CCDC88C: variants seen among roughly 807,000 people sequenced by gnomAD.
The protein encoded by CCDC88C is protein Daple.
Under a neutral mutation model 198.8 loss-of-function variants are expected in CCDC88C, and 131 were observed. The ratio of observed to expected loss-of-function variants is 0.66; its 90% confidence interval spans 0.57 to 0.76. The LOEUF is 0.76. Ranked by LOEUF, CCDC88C falls within the 30% of genes least tolerant of loss-of-function variation. The probability of loss-of-function intolerance (pLI) is 0.00; values close to 1 mark genes in which losing one functional copy is unlikely to be tolerated. For synonymous variants in CCDC88C, 1,166 were observed against 1,114.7 expected (o/e 1.05, Z -0.92); for missense variants, 2,553 against 2,631.6 (o/e 0.97, Z 0.65).
At position 91,272,869 on chromosome 14, in the gene CCDC88C, CCT is replaced by C. The variant is rs387907321; in HGVS notation, c.5841_5842del (p.Glu1949GlyfsTer26). Reference sequence around the variant, plus strand: ...GACAGGGGTGATGGTGGCCACCTCCCCTGAGCGTGGGGGCGCCTTGGGCTTGG... The same window carrying C: ...GACAGGGGTGATGGTGGCCACCTCCCGAGCGTGGGGGCGCCTTGGGCTTGG... On this transcript the variant is annotated frameshift_variant, in exon 30 of 30. Coordinates refer to ENST00000389857, the MANE Select transcript of CCDC88C (RefSeq NM_001080414.4). LOFTEE classifies it low-confidence loss of function (END_TRUNC). 6.3e-7 allele frequency: 1 copy of C among 1,591,862 alleles called. No homozygotes were observed. The highest frequency in any genetic ancestry group is 1.7e-4 in the Middle Eastern group (1 of 6,032).
At chr14:91,398,861 C>T (rs746344089) in intron 3 of CCDC88C, among the ~76,000 whole-genome samples, 1 of 152,110 alleles carries the variant, frequency 6.6e-6, no homozygotes, top group Non-Finnish European at 1.5e-5. Flanking sequence ...TGGGGGCGCA[C>T]AGGTCTGCTG....
At chr14:91,282,967 C>A (rs1227968216) in intron 26 of CCDC88C, among the ~76,000 whole-genome samples, 3 of 152,230 alleles carry the variant, frequency 2.0e-5, no homozygotes, top group East Asian at 1.9e-4. Context: ...GAGAAAAAAA[C>A]CCCAAACTTT....
intron 20 of CCDC88C, among the ~76,000 whole-genome samples, chr14:91,301,172 T>C (rs1453425678): frequency 6.6e-6 from 1 of 152,042 alleles, no homozygotes; most frequent in African/African-American, 2.4e-5. Context: ...GTTAGAGCAA[T>C]GAGTGGGTGA....
At chr14:91,392,602 A>G (rs1273046636) in intron 3 of CCDC88C, among the ~76,000 whole-genome samples, 7 of 152,154 alleles carry the variant, frequency 4.6e-5, no homozygotes, top group African/African-American at 1.4e-4. Context: ...GGGTTTCCAT[A>G]CCAGCGATGC....
chr14:91,273,653 C>T lies in CCDC88C; in HGVS notation c.5059G>A (p.Asp1687Asn), dbSNP rs1219056711. 1.5e-5 allele frequency: 22 copies of T among 1,468,282 alleles called. No homozygotes were observed. Among genetic ancestry groups the T allele is most frequent in the Non-Finnish European group, 2.0e-5 (22 of 1,108,446 alleles). 91.0% of individuals were successfully genotyped at this position (1,468,282 alleles called of 1,614,324 possible). ...AGGTCATCCCGGCAACTGGGAGTGT[C>T]CTACGGAGAAGAGAGTGAAGGTTGG... is the stretch of plus-strand genomic sequence containing the variant. ...EESNRSSPTH[D>N]TPSCRDDLLS... The change falls in exon 30 of 30, where the codon GAC (aspartate) becomes AAC (asparagine). Residue 1687 changes from aspartate to asparagine, a missense_variant and splice_region_variant. Asp to Asn is a conservative substitution (Grantham distance 23). Transcript: ENST00000389857. The surrounding 1 kb of genome is among the most constrained non-coding windows in gnomAD (Gnocchi z 5.6).
At chr14:91,291,475 C>T (rs936194745) in intron 23 of CCDC88C, among the ~76,000 whole-genome samples, 5 of 152,182 alleles carry the variant, frequency 3.3e-5, no homozygotes, top group Non-Finnish European at 7.3e-5. Flanking sequence ...TCAGGGGGTA[C>T]ATATTAACAA....
At chr14:91,294,747 T>C (rs1890926010) in intron 22 of CCDC88C, among the ~76,000 whole-genome samples, 1 of 152,222 alleles carries the variant, frequency 6.6e-6, no homozygotes, top group Non-Finnish European at 1.5e-5. Context: ...CTCCGCCTCC[T>C]GGGTTCAAGC....
chr14:91,356,698 T>TAA (rs890995995), intron 4 of CCDC88C, among the ~76,000 whole-genome samples: 21 of 149,210 alleles, frequency 1.4e-4, no homozygotes, highest in Non-Finnish European at 7.5e-5. Flanking sequence ...ATAAAGCTGT[T>TAA]AAAAAAAAAA....
At position 91,325,848 on chromosome 14, in the gene CCDC88C, C is replaced by A. The variant is rs1376671595; in HGVS notation, c.1197+62G>T. On this transcript the variant is annotated intron_variant, in intron 11 of 29. Transcript: ENST00000389857. This position sits in a 1 kb window ranked among gnomAD's most constrained non-coding sequence, Gnocchi z 4.1. ...CCTCCCAAAGTGCTGGGATTACAGG[C>A]ATGAGCCACTGTGCCCGAGCCCAAT... is the stretch of plus-strand genomic sequence containing the variant. 3 of 1,496,460 alleles carry A rather than the reference C, an allele frequency of 2.0e-6. No individual in the cohort carries two copies. Among genetic ancestry groups the A allele is most frequent in the Non-Finnish European group, 1.8e-6 (2 of 1,104,728 alleles). The allele number at this position is 1,496,460 out of a possible 1,614,324, so 92.7% of individuals were successfully genotyped here.
At position 91,273,910 on chromosome 14, in the gene CCDC88C, G is replaced by C. The variant is rs533593750; in HGVS notation, c.5059-257C>G. Among the ~76,000 whole-genome samples the C allele has an allele frequency of 5.9e-5, 9 of 152,262 alleles. No homozygotes were observed. The South Asian group carries it at 1.9e-3, about 32-fold the overall frequency. On this transcript the variant is annotated intron_variant, in intron 29 of 29. Coordinates refer to ENST00000389857, the MANE Select transcript of CCDC88C (RefSeq NM_001080414.4). This position sits in a 1 kb window ranked among gnomAD's most constrained non-coding sequence, Gnocchi z 5.6. ...GGCAACCCCCTAACTTTACAGATAA[G>C]GAAACAGACCCAGAGAGGGAAATGA... is the stretch of plus-strand genomic sequence containing the variant.
chr14:91,285,662 G>A (rs1474271398), intron 25 of CCDC88C: 2 of 1,287,432 alleles, frequency 1.6e-6, no homozygotes, highest in Non-Finnish European at 2.0e-6. Flanking sequence ...CATGATAAAG[G>A]AAAGGGATTA....
intron 25 of CCDC88C, among the ~76,000 whole-genome samples, chr14:91,287,425 G>A (rs1047659787): frequency 2.0e-5 from 3 of 152,054 alleles, no homozygotes; most frequent in Admixed American, 6.6e-5. Context: ...ACCATAGCTC[G>A]CTGCAGCCAC....
chr14:91,279,177 C>A (rs1644534132), intron 28 of CCDC88C, 61 bp downstream of exon 28: 2 of 1,391,040 alleles, frequency 1.4e-6, no homozygotes, highest in South Asian at 1.2e-5. Flanking sequence ...TGATTATAGG[C>A]ATGAGCCACT....
chr14:91,396,394 C>T (rs935057138), intron 3 of CCDC88C, among the ~76,000 whole-genome samples: 18 of 152,178 alleles, frequency 1.2e-4, no homozygotes, highest in Non-Finnish European at 2.4e-4. Context: ...ACTGGTTCCT[C>T]CTGCCACTTC....
At chr14:91,392,069 C>A (rs575837278) in intron 3 of CCDC88C, among the ~76,000 whole-genome samples, 14 of 152,048 alleles carry the variant, frequency 9.2e-5, no homozygotes, top group Non-Finnish European at 1.6e-4. Flanking sequence ...TTTGGCTGTT[C>A]CTGACTCTCT....
rs891771306 is a variant in CCDC88C at position 91,288,481 on chromosome 14, C to T, written c.4441+624G>A. Among the ~76,000 whole-genome samples, 6 of 152,236 alleles carry T rather than the reference C, an allele frequency of 3.9e-5. No individual in the cohort carries two copies. Among genetic ancestry groups the T allele is most frequent in the Non-Finnish European group, 7.3e-5 (5 of 68,036 alleles). On this transcript the variant is annotated intron_variant, in intron 25 of 29. Coordinates refer to ENST00000389857, the MANE Select transcript of CCDC88C (RefSeq NM_001080414.4). This position sits in a 1 kb window ranked among gnomAD's most constrained non-coding sequence, Gnocchi z 4.2. ...TCTCCCTGCACAAAGCAGCTTTCTACAAATCTGGCACATACGAGGCAGCCC... is the reference window on the plus strand; with the variant it reads ...TCTCCCTGCACAAAGCAGCTTTCTATAAATCTGGCACATACGAGGCAGCCC...
At position 91,360,252 on chromosome 14, in the gene CCDC88C, T is replaced by TCACACACACACACACA. The variant is rs57026211; in HGVS notation, c.271-557_271-542dup. Reference sequence around the variant, plus strand: ...TGGGCAACATAGCAAGACCCCATCTTCACACACACACACACACACACACAC... The same window carrying TCACACACACACACACA: ...TGGGCAACATAGCAAGACCCCATCTTCACACACACACACACACACACACACACACACACACACACAC... On this transcript the variant is annotated intron_variant, in intron 3 of 29. Transcript: ENST00000389857. 6.0e-3 allele frequency among the ~76,000 whole-genome samples: 866 copies of TCACACACACACACACA among 144,286 alleles called. 9 individuals carry two copies. Among genetic ancestry groups the TCACACACACACACACA allele is most frequent in the Non-Finnish European group, 5.8e-3 (383 of 66,164 alleles). The allele number at this position is 144,286 out of a possible 152,430, so 94.7% of individuals were successfully genotyped here. A position where few individuals can be genotyped will look rare whatever the true frequency, so the allele number is the denominator to read the frequency against.
rs1887072121 is a variant in CCDC88C at position 91,416,675 on chromosome 14, A to G, written c.161+63T>C. 9 of 1,261,394 alleles carry G rather than the reference A, an allele frequency of 7.1e-6. No individual in the cohort carries two copies. The South Asian group carries it at 1.1e-4, about 16-fold the overall frequency. 78.1% of individuals were successfully genotyped at this position (1,261,394 alleles called of 1,614,324 possible). A position where few individuals can be genotyped will look rare whatever the true frequency, so the allele number is the denominator to read the frequency against. On this transcript the variant is annotated intron_variant, in intron 2 of 29. Transcript: ENST00000389857. Reference sequence around the variant, plus strand: ...ACCCCGCCATGCAACCTTCCACTCCATTTCTACTCTCAAACTTTCTAACGC... The same window carrying G: ...ACCCCGCCATGCAACCTTCCACTCCGTTTCTACTCTCAAACTTTCTAACGC...
Position 91,331,536 on chromosome 14 carries a change from G to A in CCDC88C, c.1051-5480C>T, listed in dbSNP as rs1290417. ...TGTGCATGTGCACACGTGTGTGTGC[G>A]CGTGCGAGAGAGAGGAGAGAGAAAG... On this transcript the variant is annotated intron_variant, in intron 10 of 29. Transcript: ENST00000389857. 9.7e-3 allele frequency among the ~76,000 whole-genome samples: 1,416 copies of A among 146,344 alleles called. 24 individuals are homozygous for A. Among genetic ancestry groups the A allele is most frequent in the East Asian group, 0.024 (114 of 4,686 alleles).
Sources: gnomAD v4.1 joint callset for allele counts (sites outside exome capture counted in the v4.1 genomes callset) on GRCh38, gnomAD v4.1.1 for gene constraint, Gnocchi (gnomAD v3.1) non-coding constraint, MANE v1.5 for transcripts, NCBI Gene and HGNC (gene_info 2026-07-23, HGNC 2026-07-21) for gene names.